The following NSD1 variants were observed in gnomAD, a reference collection of about 807,000 sequenced individuals.
NSD1 encodes the protein nuclear receptor binding SET domain protein 1.
In NSD1, 26 loss-of-function variants were observed where a neutral mutation model predicts 242.7. The observed-to-expected ratio is 0.11, with a 90% CI of 0.08 to 0.15. The LOEUF (loss-of-function observed/expected upper bound fraction) is 0.15. NSD1 is among the 10% of genes least tolerant of loss of function. The probability of loss-of-function intolerance (pLI) is 1.00; values close to 1 mark genes in which losing one functional copy is unlikely to be tolerated. For synonymous variants in NSD1, 1,106 were observed against 1,178.1 expected, an observed-to-expected ratio of 0.94 and a Z score of 1.25; for missense variants, 2,495 against 3,272.8, an observed-to-expected ratio of 0.76 and a Z score of 5.80.
chr5:177,204,067 A>C (rs1275689997), intron 3 of NSD1, 53 bp from the exon 4 acceptor site: 2 of 1,533,168 alleles, frequency 1.3e-6, no homozygotes, highest in African/African-American at 2.7e-5. Flanking sequence ...TCTCTTAATG[A>C]TGAGAAGTAA....
intron 3 of NSD1, among the ~76,000 whole-genome samples, chr5:177,201,351 A>G (rs946442778): frequency 3.3e-5 from 5 of 152,020 alleles, no homozygotes; most frequent in African/African-American, 1.2e-4. Context: ...CTGGGACTAA[A>G]AGTCAGCTAA....
intron 2 of NSD1, among the ~76,000 whole-genome samples, chr5:177,148,456 TC>T (rs1339109443): frequency 6.8e-6 from 1 of 147,132 alleles, no homozygotes; most frequent in African/African-American, 2.5e-5. Flanking sequence ...AGACAATCTC[TC>T]TCTGTCACCC....
At position 177,161,643 on chromosome 5, in the gene NSD1, TG is replaced by T. The variant is rs759860111; in HGVS notation, c.927+25616del. On this transcript the variant is annotated intron_variant, in intron 2 of 22. Transcript: ENST00000439151. Reference sequence around the variant, plus strand: ...TTACCTGAATTTTTCCTGTGAACATTGGGTTATTTATAAACCTGTTTTCTGT... The same window carrying T: ...TTACCTGAATTTTTCCTGTGAACATTGGTTATTTATAAACCTGTTTTCTGT... 2.0e-5 allele frequency among the ~76,000 whole-genome samples: 3 copies of T among 151,826 alleles called. No homozygotes were observed. In the East Asian group the frequency reaches 5.8e-4, roughly 29 times the overall value.
intron 9 of NSD1, among the ~76,000 whole-genome samples, chr5:177,245,626 TTC>T (rs1766215753): frequency 6.6e-6 from 1 of 151,386 alleles, no homozygotes; most frequent in Admixed American, 6.6e-5. Flanking sequence ...CTAGAAGAAT[TTC>T]TTTCTTTTTT....
chr5:177,148,167 G>C (rs1046548643), intron 2 of NSD1, among the ~76,000 whole-genome samples: 12 of 151,856 alleles, frequency 7.9e-5, no homozygotes, highest in Non-Finnish European at 1.8e-4. Flanking sequence ...GCCCAGGCTG[G>C]AGTGCAATTG....
chr5:177,265,677 C>T (rs1008930990), intron 14 of NSD1: 22 of 1,609,494 alleles, frequency 1.4e-5, no homozygotes, highest in African/African-American at 9.4e-5. Context: ...GGCCGCATGC[C>T]GATGGTGCCG....
At chr5:177,264,455 A>G (rs1477370563) in intron 14 of NSD1, among the ~76,000 whole-genome samples, 5 of 152,198 alleles carry the variant, frequency 3.3e-5, no homozygotes, top group East Asian at 1.9e-4. Flanking sequence ...TTCCAGCAAT[A>G]TATCTCTGAG....
intron 12 of NSD1, among the ~76,000 whole-genome samples, chr5:177,253,331 A>G (rs1458490239): frequency 1.3e-5 from 2 of 152,204 alleles, no homozygotes; most frequent in Non-Finnish European, 2.9e-5. Flanking sequence ...AGTGCAAACA[A>G]TTGCACATAT....
At chr5:177,284,879 C>T (rs758065332) in intron 20 of NSD1, among the ~76,000 whole-genome samples, 5 of 152,056 alleles carry the variant, frequency 3.3e-5, no homozygotes, top group East Asian at 1.9e-4. Flanking sequence ...GGCCAGAAAT[C>T]GCTTGAGTTC....
chr5:177,200,185 G>GTGAAC (rs1244504319), intron 3 of NSD1, among the ~76,000 whole-genome samples: 1 of 152,030 alleles, frequency 6.6e-6, no homozygotes, highest in Non-Finnish European at 1.5e-5. Flanking sequence ...CTGCCTCCTG[G>GTGAAC]GTTCAAGCAG....
intron 5 of NSD1, among the ~76,000 whole-genome samples, chr5:177,233,839 C>A (rs908266484): frequency 1.3e-5 from 2 of 152,174 alleles, no homozygotes; most frequent in African/African-American, 2.4e-5. Context: ...ATGCCATGTG[C>A]TTTCCCTGAA....
intron 2 of NSD1, among the ~76,000 whole-genome samples, chr5:177,148,364 C>T (rs928069377): frequency 6.6e-6 from 1 of 151,710 alleles, no homozygotes; most frequent in East Asian, 2.0e-4. Context: ...GTGATCCACC[C>T]TCCTCAGCCT....
chr5:177,224,744 G>A (rs1409061915), intron 5 of NSD1, among the ~76,000 whole-genome samples: 1 of 151,280 alleles, frequency 6.6e-6, no homozygotes, highest in Non-Finnish European at 1.5e-5. Context: ...GGAAAAAGCA[G>A]ACATCCTTGT....
At chr5:177,132,152 A>T (rs1755926142), upstream of NSD1, among the ~76,000 whole-genome samples, 1 of 152,070 alleles carries the variant, frequency 6.6e-6, no homozygotes, top group Non-Finnish European at 1.5e-5. The surrounding 1 kb of genome is among the most constrained non-coding windows in gnomAD (Gnocchi z 7.5). Context: ...GGGCTGCGCC[A>T]GCGGGCTTGT....
chr5:177,174,163 G>A (rs1000626978), intron 2 of NSD1, among the ~76,000 whole-genome samples: 27 of 151,978 alleles, frequency 1.8e-4, no homozygotes, highest in African/African-American at 6.3e-4. Flanking sequence ...TCAAGAGATC[G>A]AGACCATCCT....
chr5:177,291,834 A>C lies in NSD1; in HGVS notation c.6259-120A>C, dbSNP rs567992540. The C allele has an allele frequency of 1.8e-5, 18 of 993,602 alleles. No homozygotes were observed. In the South Asian group the frequency reaches 2.5e-4, roughly 14 times the overall value. 61.5% of individuals were successfully genotyped at this position (993,602 alleles called of 1,614,324 possible). ...GTACCAGGTACCTTTCCTGCATTTTATCTTCATGACAATCTCTTTTCCCAG... is the reference window on the plus strand; with the variant it reads ...GTACCAGGTACCTTTCCTGCATTTTCTCTTCATGACAATCTCTTTTCCCAG... On this transcript the variant is annotated intron_variant, in intron 21 of 22. Coordinates refer to ENST00000439151, the MANE Select transcript of NSD1 (RefSeq NM_022455.5).
chr5:177,216,728 C>T (rs1474161113), intron 5 of NSD1, among the ~76,000 whole-genome samples: 1 of 148,484 alleles, frequency 6.7e-6, no homozygotes, highest in Non-Finnish European at 1.5e-5. Flanking sequence ...AACCATGTTG[C>T]CCAGGCTGTT....
chr5:177,238,633 G>A lies in NSD1; in HGVS notation c.4192+126G>A. ...AATAAACTACCCCCTTTTGTCCTGG[G>A]AAATACTTAAAATGATGGTTAATTA... is the stretch of plus-strand genomic sequence containing the variant. On this transcript the variant is annotated intron_variant, in intron 7 of 22. Transcript: ENST00000439151. This position sits in a 1 kb window ranked among gnomAD's most constrained non-coding sequence, Gnocchi z 4.6. 9.4e-7 allele frequency: 1 copy of A among 1,063,094 alleles called. No homozygotes were observed. Among genetic ancestry groups the A allele is most frequent in the South Asian group, 1.3e-5 (1 of 77,500 alleles). 65.9% of individuals were successfully genotyped at this position (1,063,094 alleles called of 1,614,324 possible).
At chr5:177,165,876 ATT>A (rs1278158474) in intron 2 of NSD1, among the ~76,000 whole-genome samples, 2 of 148,140 alleles carry the variant, frequency 1.4e-5, no homozygotes, top group African/African-American at 5.0e-5. Flanking sequence ...AAGTGGTGGG[ATT>A]ATGCGCATGA....
Sources: gnomAD v4.1 joint callset for allele counts (sites outside exome capture counted in the v4.1 genomes callset) on GRCh38, gnomAD v4.1.1 for gene constraint, Gnocchi (gnomAD v3.1) non-coding constraint, MANE v1.5 for transcripts, NCBI Gene and HGNC (gene_info 2026-07-23, HGNC 2026-07-21) for gene names.